The following IGSF21 variants were observed in gnomAD, a reference collection of about 807,000 sequenced individuals.
The protein encoded by IGSF21 is immunoglobulin superfamily member 21.
Under a neutral mutation model 46.8 loss-of-function variants are expected in IGSF21, and 28 were observed. The observed-to-expected ratio is 0.60, with a 90% CI of 0.44 to 0.82. The LOEUF is 0.82. IGSF21 is among the 40% of genes least tolerant of loss of function. The pLI is 0.00. For missense variants in IGSF21, 624 were observed against 665.5 expected (o/e 0.94, Z 0.69); for synonymous variants, 284 against 273.6 (o/e 1.04, Z -0.38).
rs542727239 is a variant in IGSF21, at chr1:18,164,867, A to G, written c.70+56669A>G. Reference sequence around the variant, plus strand: ...GTCATTTACATTAGGTATATTTCCTAATGCTATCCCTCCCCCCTCCCCCCA... The same window carrying G: ...GTCATTTACATTAGGTATATTTCCTGATGCTATCCCTCCCCCCTCCCCCCA... On this transcript the variant is annotated intron_variant, in intron 1 of 9. Transcript: ENST00000251296. Among the ~76,000 whole-genome samples the G allele has an allele frequency of 1.9e-3, 268 of 141,416 alleles. 2 individuals carry two copies. Among genetic ancestry groups the G allele is most frequent in the African/African-American group, 6.9e-3 (262 of 38,074 alleles). 92.8% of individuals were successfully genotyped at this position (141,416 alleles called of 152,430 possible).
At chr1:18,234,925 G>T (rs1490772206) in intron 2 of IGSF21, among the ~76,000 whole-genome samples, 1 of 152,186 alleles carries the variant, frequency 6.6e-6, no homozygotes, top group Admixed American at 6.5e-5. Flanking sequence ...CTCCTCCTGG[G>T]GATGGGGTGA....
intron 1 of IGSF21, among the ~76,000 whole-genome samples, chr1:18,195,501 A>G (rs2086998188): frequency 6.6e-6 from 1 of 152,128 alleles, no homozygotes; most frequent in African/African-American, 2.4e-5. Context: ...TGAACCTAGC[A>G]CAGAGACCAC....
chr1:18,108,087 C>G lies in IGSF21; in HGVS notation c.-42C>G, dbSNP rs556289085. ...GCGAGGGGACCCGCCGCCACCGCCTCCACCCCCGCCGCCCCGCCACCGCCG... is the reference window on the plus strand; with the variant it reads ...GCGAGGGGACCCGCCGCCACCGCCTGCACCCCCGCCGCCCCGCCACCGCCG... On this transcript the variant is annotated 5_prime_UTR_variant, in exon 1 of 10. Coordinates refer to ENST00000251296, the MANE Select transcript of IGSF21 (RefSeq NM_032880.5). 1 of 1,023,286 alleles carries G rather than the reference C, an allele frequency of 9.8e-7. No homozygotes were observed. The highest frequency in any genetic ancestry group is 1.7e-5 in the African/African-American group (1 of 58,612). The allele number at this position is 1,023,286 out of a possible 1,614,324, so 63.4% of individuals were successfully genotyped here. A position where few individuals can be genotyped will look rare whatever the true frequency, so the allele number is the denominator to read the frequency against.
In IGSF21 at chr1:18,313,120, G is replaced by A. The variant is rs544095390; in HGVS notation, c.305+21133G>A. Among the ~76,000 whole-genome samples the A allele has an allele frequency of 7.2e-5, 11 of 152,262 alleles. No homozygotes were observed. The East Asian group carries it at 7.8e-4, about 11-fold the overall frequency. ...GGACCGAGCAGACCCGCCGGGTACCGTGCATGACCGGTGAGGACAGGGCCC... is the reference window on the plus strand; with the variant it reads ...GGACCGAGCAGACCCGCCGGGTACCATGCATGACCGGTGAGGACAGGGCCC... On this transcript the variant is annotated intron_variant, in intron 3 of 9. Transcript: ENST00000251296.
chr1:18,129,795 C>T (rs913854191), intron 1 of IGSF21, among the ~76,000 whole-genome samples: 1 of 152,156 alleles, frequency 6.6e-6, no homozygotes, highest in Admixed American at 6.5e-5. Context: ...AAAGGTGGGA[C>T]TGTTAAGAGG....
intron 1 of IGSF21, among the ~76,000 whole-genome samples, chr1:18,215,584 G>T (rs966171016): frequency 6.6e-6 from 1 of 152,166 alleles, no homozygotes; most frequent in Non-Finnish European, 1.5e-5. Context: ...GCAAAGTGAC[G>T]GTCTTCCAGG....
intron 3 of IGSF21, among the ~76,000 whole-genome samples, chr1:18,320,032 T>C (rs1346448708): frequency 6.6e-6 from 1 of 152,192 alleles, no homozygotes; most frequent in African/African-American, 2.4e-5. Flanking sequence ...GTTGGATGCA[T>C]GAATGACCAG....
chr1:18,150,516 A>T (rs893318710), intron 1 of IGSF21, among the ~76,000 whole-genome samples: 5 of 152,134 alleles, frequency 3.3e-5, no homozygotes, highest in African/African-American at 1.2e-4. Flanking sequence ...ATTCTGTGTT[A>T]GCTGTAGGTG....
At chr1:18,339,887 A>T (rs1381630414) in intron 4 of IGSF21, among the ~76,000 whole-genome samples, 1 of 152,022 alleles carries the variant, frequency 6.6e-6, no homozygotes, top group Non-Finnish European at 1.5e-5. Context: ...TGGTTCTCTC[A>T]TCCACTGCTA....
chr1:18,318,425 T>C (rs924038771), intron 3 of IGSF21, among the ~76,000 whole-genome samples: 2 of 152,036 alleles, frequency 1.3e-5, no homozygotes, highest in African/African-American at 4.8e-5. Flanking sequence ...TCTGCAGGCC[T>C]TGTCTCCACT....
At chr1:18,320,963 C>G (rs915979610) in intron 3 of IGSF21, among the ~76,000 whole-genome samples, 1 of 152,226 alleles carries the variant, frequency 6.6e-6, no homozygotes, top group Non-Finnish European at 1.5e-5. Context: ...TGATTGACAT[C>G]CACGCGGGTA....
chr1:18,230,699 T>C (rs1462652338), intron 2 of IGSF21, among the ~76,000 whole-genome samples: 1 of 152,050 alleles, frequency 6.6e-6, no homozygotes, highest in African/African-American at 2.4e-5. Flanking sequence ...TAGCTTTCTC[T>C]AGTGATTGTC....
At chr1:18,222,105 C>A (rs11260960) in intron 1 of IGSF21, among the ~76,000 whole-genome samples, 1 of 152,118 alleles carries the variant, frequency 6.6e-6, no homozygotes, top group Non-Finnish European at 1.5e-5. Flanking sequence ...TGGCTTCCCC[C>A]ACCCATGCCT....
chr1:18,341,287 A>C (rs1569844918), intron 4 of IGSF21, among the ~76,000 whole-genome samples: 1 of 152,040 alleles, frequency 6.6e-6, no homozygotes, highest in African/African-American at 2.4e-5. Context: ...TAAGGACATC[A>C]GTCATTGAAT....
At chr1:18,158,211 G>A (rs2124440119) in intron 1 of IGSF21, among the ~76,000 whole-genome samples, 1 of 152,164 alleles carries the variant, frequency 6.6e-6, no homozygotes, top group African/African-American at 2.4e-5. Flanking sequence ...CCCCTGCCAT[G>A]GCACCCCTGA....
chr1:18,325,574 T>C (rs2085649318), intron 3 of IGSF21, among the ~76,000 whole-genome samples: 1 of 152,112 alleles, frequency 6.6e-6, no homozygotes, highest in Non-Finnish European at 1.5e-5. Flanking sequence ...CCCAGCATTG[T>C]TTGGTGAAAA....
intron 1 of IGSF21, among the ~76,000 whole-genome samples, chr1:18,156,001 G>T (rs932136232): frequency 6.6e-6 from 1 of 152,236 alleles, no homozygotes; most frequent in African/African-American, 2.4e-5. Flanking sequence ...TAATTATGAT[G>T]TGCCACCGGC....
chr1:18,228,904 T>C (rs1334964019), intron 2 of IGSF21, among the ~76,000 whole-genome samples: 1 of 152,156 alleles, frequency 6.6e-6, no homozygotes, highest in African/African-American at 2.4e-5. Context: ...CCACAGACAG[T>C]GTGTAAATGA....
intron 1 of IGSF21, among the ~76,000 whole-genome samples, chr1:18,222,306 G>A (rs1336361426): frequency 6.6e-6 from 1 of 152,188 alleles, no homozygotes; most frequent in Non-Finnish European, 1.5e-5. Context: ...GCCTGGATGA[G>A]ATGTCTGGCT....
Sources: gnomAD v4.1 joint callset for allele counts (sites outside exome capture counted in the v4.1 genomes callset) on GRCh38, gnomAD v4.1.1 for gene constraint, MANE v1.5 for transcripts, NCBI Gene and HGNC (gene_info 2026-07-23, HGNC 2026-07-21) for gene names.